FILIP1L: variants seen among roughly 807,000 people sequenced by gnomAD.
The protein encoded by FILIP1L is filamin A interacting protein 1 like.
Under a neutral mutation model 96.6 loss-of-function variants are expected in FILIP1L, and 55 were observed. That is an observed-to-expected ratio of 0.57 (90% CI 0.46 to 0.71). The LOEUF is 0.71. FILIP1L is among the 30% of genes least tolerant of loss of function. The pLI is 0.00. For missense variants in FILIP1L, 1,304 were observed against 1,321.2 expected (o/e 0.99, Z 0.20); for synonymous variants, 467 against 473.9 (o/e 0.99, Z 0.19).
At chr3:99,869,450 A>C (rs990338522) in intron 4 of FILIP1L, among the ~76,000 whole-genome samples, 4 of 152,228 alleles carry the variant, frequency 2.6e-5, no homozygotes, top group Non-Finnish European at 5.9e-5. Flanking sequence ...TGAGTGTTTG[A>C]AAAGTAGATA....
chr3:100,113,384 C>T (rs2066522526), intron 1 of FILIP1L, among the ~76,000 whole-genome samples: 1 of 152,214 alleles, frequency 6.6e-6, no homozygotes, highest in Non-Finnish European at 1.5e-5. Flanking sequence ...GATATCCAGT[C>T]ATCTTCTGTG....
intron 4 of FILIP1L, among the ~76,000 whole-genome samples, chr3:99,908,514 C>G (rs567097991): frequency 2.2e-4 from 34 of 152,282 alleles, no homozygotes; most frequent in Admixed American, 1.6e-3. Flanking sequence ...ATGATGATCA[C>G]TTAGGTTTGG....
intron 1 of FILIP1L, among the ~76,000 whole-genome samples, chr3:100,097,943 A>C (rs145615136): frequency 6.6e-6 from 1 of 152,184 alleles, no homozygotes; most frequent in Non-Finnish European, 1.5e-5. Context: ...TGGTTTTTTA[A>C]AATTTCATCA....
chr3:100,103,090 CT>C (rs767803965), intron 1 of FILIP1L, among the ~76,000 whole-genome samples: 21 of 152,212 alleles, frequency 1.4e-4, no homozygotes, highest in Non-Finnish European at 1.0e-4. Context: ...CAGATCTAGT[CT>C]TTGTGAAATA....
At chr3:99,891,422 T>C (rs1706079423) in intron 4 of FILIP1L, among the ~76,000 whole-genome samples, 1 of 152,250 alleles carries the variant, frequency 6.6e-6, no homozygotes, top group Non-Finnish European at 1.5e-5. Flanking sequence ...AAACCAGCTT[T>C]TGTGCTTTGC....
intron 4 of FILIP1L, among the ~76,000 whole-genome samples, chr3:99,864,828 G>T (rs766307452): frequency 1.3e-5 from 2 of 151,934 alleles, no homozygotes; most frequent in Non-Finnish European, 2.9e-5. Flanking sequence ...GTACCATCTG[G>T]CATACTATAT....
chr3:100,032,831 C>T (rs1463463233), intron 1 of FILIP1L, among the ~76,000 whole-genome samples: 1 of 152,074 alleles, frequency 6.6e-6, no homozygotes, highest in Non-Finnish European at 1.5e-5. Context: ...ACAATGATAA[C>T]ATAATTAACT....
intron 1 of FILIP1L, among the ~76,000 whole-genome samples, chr3:100,032,013 G>A (rs2065029883): frequency 6.6e-6 from 1 of 151,778 alleles, no homozygotes; most frequent in African/African-American, 2.4e-5. Flanking sequence ...AATTTTTTCA[G>A]CTGTTTAAAA....
At chr3:99,884,689 GAAGA>G (rs1393114489) in intron 4 of FILIP1L, among the ~76,000 whole-genome samples, 1 of 152,198 alleles carries the variant, frequency 6.6e-6, no homozygotes, top group Non-Finnish European at 1.5e-5. Flanking sequence ...GAATTCAGCA[GAAGA>G]AAGAGATAAC....
At chr3:100,076,701 C>T (rs142312268) in intron 1 of FILIP1L, among the ~76,000 whole-genome samples, 351 of 152,310 alleles carry the variant, frequency 2.3e-3, no homozygotes, top group Middle Eastern at 0.01. Context: ...TATTGTTTGA[C>T]TTCACCTCTG....
intron 4 of FILIP1L, among the ~76,000 whole-genome samples, chr3:99,864,268 A>T (rs1944404209): frequency 6.6e-6 from 1 of 152,194 alleles, no homozygotes; most frequent in African/African-American, 2.4e-5. Flanking sequence ...ATGCAAGGCC[A>T]TCATTATGGT....
intron 1 of FILIP1L, among the ~76,000 whole-genome samples, chr3:100,033,805 G>A (rs981855126): frequency 6.6e-6 from 1 of 152,048 alleles, no homozygotes; most frequent in Non-Finnish European, 1.5e-5. Flanking sequence ...TTGTTTTTAG[G>A]ATTTAGAGGT....
intron 4 of FILIP1L, among the ~76,000 whole-genome samples, chr3:99,918,769 C>G (rs1707033975): frequency 6.6e-6 from 1 of 152,174 alleles, no homozygotes; most frequent in Non-Finnish European, 1.5e-5. Flanking sequence ...GAACACAAGG[C>G]TGATCATGTC....
At chr3:99,874,220 T>G (rs1705390555) in intron 4 of FILIP1L, 1 of 152,178 alleles carries the variant, frequency 6.6e-6, no homozygotes, top group East Asian at 1.9e-4. Flanking sequence ...CTGTTAGAAT[T>G]TTGATGGAAG....
chr3:100,000,365 T>A (rs1709807270), intron 1 of FILIP1L, among the ~76,000 whole-genome samples: 1 of 152,214 alleles, frequency 6.6e-6, no homozygotes, highest in Non-Finnish European at 1.5e-5. Context: ...TTGTTATCCA[T>A]CCCTCCTACT....
intron 1 of FILIP1L, among the ~76,000 whole-genome samples, chr3:99,976,546 A>G (rs1377162673): frequency 6.6e-6 from 1 of 152,142 alleles, no homozygotes; most frequent in Non-Finnish European, 1.5e-5. Flanking sequence ...TTCTTTCACC[A>G]CATTGAAGAT....
chr3:100,027,602 A>G (rs1420072566), intron 1 of FILIP1L, among the ~76,000 whole-genome samples: 3 of 152,144 alleles, frequency 2.0e-5, no homozygotes, highest in Non-Finnish European at 4.4e-5. Context: ...CTCAACTTCG[A>G]TACATGCTTA....
intron 1 of FILIP1L, among the ~76,000 whole-genome samples, chr3:100,103,600 G>A (rs2066345221): frequency 6.6e-6 from 1 of 152,134 alleles, no homozygotes; most frequent in Non-Finnish European, 1.5e-5. Flanking sequence ...GCAAAAAGGA[G>A]GTGTGGGCAG....
At position 99,958,205 on chromosome 3, in the gene FILIP1L, T is replaced by C. The variant is rs532238645; in HGVS notation, c.-10-27175A>G. On this transcript the variant is annotated intron_variant, in intron 1 of 5. Coordinates refer to ENST00000477258, the MANE Select transcript of FILIP1L (RefSeq NM_001387850.1). ...ACCTAGGTATTAAGCCCTGCATGCATTATTATTATTATTATTATTATTATT... is the reference window on the plus strand; with the variant it reads ...ACCTAGGTATTAAGCCCTGCATGCACTATTATTATTATTATTATTATTATT... 2.4e-4 allele frequency among the ~76,000 whole-genome samples: 4 copies of C among 16,412 alleles called. No individual in the cohort carries two copies. In the South Asian group the frequency reaches 6.1e-3, roughly 25 times the overall value. The allele number at this position is 16,412 out of a possible 152,430, so 10.8% of individuals were successfully genotyped here.
Sources: allele counts gnomAD v4.1 joint callset (sites outside exome capture counted in the v4.1 genomes callset), GRCh38; gene constraint gnomAD v4.1.1; transcripts MANE v1.5; gene names NCBI Gene and HGNC (gene_info 2026-07-23, HGNC 2026-07-21).